The following PPFIBP2 variants were observed in gnomAD, a reference collection of about 807,000 sequenced individuals.
PPFIBP2 encodes the protein PPFIB scaffold protein 2.
In PPFIBP2, 118 loss-of-function variants were observed where a neutral mutation model predicts 118.3. The observed-to-expected ratio is 1.00, with a 90% CI of 0.86 to 1.16. The LOEUF is 1.16. PPFIBP2 is among the 50% of genes most tolerant of loss of function. The probability of loss-of-function intolerance (pLI) is 0.00; values close to 1 mark genes in which losing one functional copy is unlikely to be tolerated. For missense variants in PPFIBP2, 1,195 were observed against 1,073.1 expected, an observed-to-expected ratio of 1.11 and a Z score of -1.59; for synonymous variants, 414 against 397.4, an observed-to-expected ratio of 1.04 and a Z score of -0.50.
At chr11:7,580,978 A>G (rs1857186483) in intron 3 of PPFIBP2, among the ~76,000 whole-genome samples, 1 of 152,194 alleles carries the variant, frequency 6.6e-6, no homozygotes, top group African/African-American at 2.4e-5. Context: ...ACTCCAGATC[A>G]AGGTCTCAAA....
At chr11:7,602,310 C>T (rs143190812) in intron 5 of PPFIBP2, among the ~76,000 whole-genome samples, 8 of 152,220 alleles carry the variant, frequency 5.3e-5, no homozygotes, top group African/African-American at 7.2e-5. Flanking sequence ...CTAGGGTTTC[C>T]GGCATGGACC....
intron 17 of PPFIBP2, among the ~76,000 whole-genome samples, chr11:7,642,889 C>A (rs184226561): frequency 2.8e-4 from 42 of 152,298 alleles, no homozygotes; most frequent in African/African-American, 1.0e-3. Context: ...GGAAGGGAGT[C>A]TTAGCTTATT....
chr11:7,632,012 T>C (rs12363328), intron 11 of PPFIBP2, among the ~76,000 whole-genome samples: 15,039 of 152,294 alleles, frequency 0.099, 982 homozygotes, highest in Non-Finnish European at 0.14. Flanking sequence ...TGGGACTGTC[T>C]TCTTTCATAA....
rs184662552 is a variant in PPFIBP2 at position 7,608,043 on chromosome 11, C to T, written c.487-2248C>T. 2.1e-3 allele frequency among the ~76,000 whole-genome samples: 326 copies of T among 152,250 alleles called. 4 individuals are homozygous for T. Among genetic ancestry groups the T allele is most frequent in the South Asian group, 0.018 (85 of 4,822 alleles). On this transcript the variant is annotated intron_variant, in intron 5 of 23. Transcript: ENST00000299492. ...GGATGATTACATCTTAAGATACTCA[C>T]GTACTCAAGACTCAGAGACTCAGAT...
chr11:7,535,784 C>T (rs1590148609), intron 1 of PPFIBP2, among the ~76,000 whole-genome samples: 1 of 152,132 alleles, frequency 6.6e-6, no homozygotes, highest in African/African-American at 2.4e-5. Flanking sequence ...GTTCTGAATA[C>T]CTGAACACAG....
rs1030200402 is a variant in PPFIBP2, at chr11:7,608,932, C to G, written c.487-1359C>G. Among the ~76,000 whole-genome samples the G allele has an allele frequency of 3.3e-5, 5 of 152,360 alleles. No individual in the cohort carries two copies. In the South Asian group the frequency reaches 8.3e-4, roughly 25 times the overall value. On this transcript the variant is annotated intron_variant, in intron 5 of 23. Coordinates refer to ENST00000299492, the MANE Select transcript of PPFIBP2 (RefSeq NM_003621.5). ...CTGTGCTCTGGCTGCAGTGCTCCAC[C>G]TCTGCCTTGTGAGCCAGCTTCCAGT... is the stretch of plus-strand genomic sequence containing the variant.
chr11:7,597,483 C>A, intron 4 of PPFIBP2, 77 bp from the exon 5 acceptor site: 1 of 1,534,194 alleles, frequency 6.5e-7, no homozygotes, highest in African/African-American at 1.4e-5. Flanking sequence ...GATTTAACGG[C>A]TCCCCTGAGG....
In PPFIBP2 at chr11:7,641,473, T is replaced by A. The variant is rs867281623; in HGVS notation, c.1376-6T>A. Reference sequence around the variant, plus strand: ...ATTCACATTCATTGCCTTCTTCCAATCTCAGGAGACACAGAAAGTGGCTGG... The same window carrying A: ...ATTCACATTCATTGCCTTCTTCCAAACTCAGGAGACACAGAAAGTGGCTGG... On this transcript the variant is annotated splice_polypyrimidine_tract_variant and splice_region_variant and intron_variant, in intron 15 of 23. Coordinates refer to ENST00000299492, the MANE Select transcript of PPFIBP2 (RefSeq NM_003621.5). The A allele has an allele frequency of 2.5e-6, 4 of 1,613,908 alleles. No homozygotes were observed. The African/African-American group carries it at 4.0e-5, about 16-fold the overall frequency.
downstream of PPFIBP2, among the ~76,000 whole-genome samples, chr11:7,654,004 C>A (rs1854450731): frequency 6.6e-6 from 1 of 152,190 alleles, no homozygotes; most frequent in Non-Finnish European, 1.5e-5. Flanking sequence ...GGCTTCAAGT[C>A]TCATGCACAT....
intron 1 of PPFIBP2, chr11:7,539,067 C>T (rs547206875): frequency 6.6e-6 from 1 of 152,384 alleles, no homozygotes; most frequent in South Asian, 2.1e-4. Flanking sequence ...TGGCATTCTT[C>T]TATTTTCTCC....
intron 1 of PPFIBP2, among the ~76,000 whole-genome samples, 170 bp from the exon 2 acceptor site, chr11:7,549,270 C>T (rs923258470): frequency 6.6e-6 from 1 of 152,192 alleles, no homozygotes; most frequent in Admixed American, 6.5e-5. Context: ...ATGGAAAAAG[C>T]ACTCATGCCA....
At position 7,543,347 on chromosome 11, in the gene PPFIBP2, ATC is replaced by A. The variant is rs145489796; in HGVS notation, c.-36-6091_-36-6090del. On this transcript the variant is annotated intron_variant, in intron 1 of 23. Transcript: ENST00000299492. ...TGTAATATAGTGACACTTCTTTATC[ATC>A]TGTTTGCCACTTGGGGAAGGGAGAG... 7.5e-3 allele frequency among the ~76,000 whole-genome samples: 1,140 copies of A among 152,340 alleles called. 8 individuals carry two copies. Among genetic ancestry groups the A allele is most frequent in the South Asian group, 0.013 (65 of 4,826 alleles).
chr11:7,523,090 G>A (rs962223711), intron 1 of PPFIBP2, among the ~76,000 whole-genome samples: 2 of 152,028 alleles, frequency 1.3e-5, no homozygotes, highest in Admixed American at 1.3e-4. Context: ...AGTCAGGATC[G>A]GGGACTCAGA....
chr11:7,538,582 A>C (rs1017259692), intron 1 of PPFIBP2, among the ~76,000 whole-genome samples: 1 of 152,200 alleles, frequency 6.6e-6, no homozygotes, highest in Non-Finnish European at 1.5e-5. Context: ...TGGAGCAGGG[A>C]CATGTGACAG....
chr11:7,515,378 T>C (rs1849143589), intron 1 of PPFIBP2, among the ~76,000 whole-genome samples: 1 of 152,240 alleles, frequency 6.6e-6, no homozygotes, highest in Non-Finnish European at 1.5e-5. Flanking sequence ...ATGCCTTCTT[T>C]ACTGGGTAGC....
chr11:7,537,804 G>T (rs1248612793), intron 1 of PPFIBP2, among the ~76,000 whole-genome samples: 1 of 152,046 alleles, frequency 6.6e-6, no homozygotes, highest in African/African-American at 2.4e-5. Flanking sequence ...TCCCTGCCTC[G>T]CTTCCCTGCC....
Position 7,616,760 on chromosome 11 carries a change from A to G in PPFIBP2, c.619-4175A>G, listed in dbSNP as rs1848700024. On this transcript the variant is annotated intron_variant, in intron 6 of 23. Coordinates refer to ENST00000299492, the MANE Select transcript of PPFIBP2 (RefSeq NM_003621.5). The surrounding 1 kb of genome is among the most constrained non-coding windows in gnomAD (Gnocchi z 5.2). ...TGTATCATGCATATGTGGAGAGAGGACGTGTTTGTGTGTGTGCCCCAGTGT... is the reference window on the plus strand; with the variant it reads ...TGTATCATGCATATGTGGAGAGAGGGCGTGTTTGTGTGTGTGCCCCAGTGT... 6.7e-6 allele frequency among the ~76,000 whole-genome samples: 1 copy of G among 149,804 alleles called. No individual in the cohort carries two copies. Among genetic ancestry groups the G allele is most frequent in the Non-Finnish European group, 1.5e-5 (1 of 67,792 alleles).
At chr11:7,565,906 C>A in intron 3 of PPFIBP2, 139 bp downstream of exon 3, 1 of 894,870 alleles carries the variant, frequency 1.1e-6, no homozygotes, top group Non-Finnish European at 1.7e-6. Flanking sequence ...GCCAACGCTG[C>A]AGGGTGGCCC....
At chr11:7,531,970 G>C (rs1416806095) in intron 1 of PPFIBP2, among the ~76,000 whole-genome samples, 1 of 152,042 alleles carries the variant, frequency 6.6e-6, no homozygotes, top group South Asian at 2.1e-4. Context: ...TGAGGAGCTG[G>C]GATTATAGGC....
Sources: allele counts gnomAD v4.1 joint callset (sites outside exome capture counted in the v4.1 genomes callset), GRCh38; gene constraint gnomAD v4.1.1; non-coding constraint Gnocchi (gnomAD v3.1); transcripts MANE v1.5; gene names NCBI Gene and HGNC (gene_info 2026-07-23, HGNC 2026-07-21).